The following CCDC28B variants were observed in gnomAD, a reference collection of about 807,000 sequenced individuals.
The protein encoded by CCDC28B is coiled-coil domain-containing protein 28B.
A neutral mutation model predicts 18.7 loss-of-function variants in CCDC28B; 17 were observed. That is an observed-to-expected ratio of 0.91 (90% CI 0.62 to 1.36). CCDC28B has a LOEUF of 1.36. Among genes scored for constraint, CCDC28B ranks in the 40% most tolerant of loss-of-function variants. CCDC28B has a pLI of 0.00. For missense variants in CCDC28B, 213 were observed against 251.7 expected, an observed-to-expected ratio of 0.85 and a Z score of 1.04; for synonymous variants, 116 against 105.1, an observed-to-expected ratio of 1.10 and a Z score of -0.64.
chr1:32,198,664 T>TA (rs1321502731), upstream of CCDC28B, among the ~76,000 whole-genome samples: 2 of 152,158 alleles, frequency 1.3e-5, no homozygotes, highest in African/African-American at 4.8e-5. Flanking sequence ...GAGGGGGTGA[T>TA]ACCTGGAATG....
chr1:32,199,740 G>T (rs1358207433), upstream of CCDC28B, among the ~76,000 whole-genome samples: 2 of 152,222 alleles, frequency 1.3e-5, no homozygotes, highest in Admixed American at 6.5e-5. Flanking sequence ...GGGAAGGTGG[G>T]CTGGGTGGCT....
rs979217136 is a variant in CCDC28B, at chr1:32,204,055, G to A, written c.331+10G>A. ...CGGCTGCAGGCCTTCGGTGAGTCCT[G>A]GGGGCTGGTTTCAGCGGGTGTGTGG... On this transcript the variant is annotated intron_variant, in intron 3 of 5. Transcript: ENST00000373602. The A allele has an allele frequency of 1.7e-5, 27 of 1,565,090 alleles. No homozygotes were observed. The highest frequency in any genetic ancestry group is 2.2e-5 in the Non-Finnish European group (25 of 1,154,630).
upstream of CCDC28B, among the ~76,000 whole-genome samples, chr1:32,198,524 C>T (rs1014449804): frequency 6.6e-6 from 1 of 152,094 alleles, no homozygotes; most frequent in African/African-American, 2.4e-5. Flanking sequence ...CAGAGAGGAT[C>T]ACACACACAC....
At chr1:32,201,827 C>A (rs1643152580) in intron 1 of CCDC28B, 86 bp from the exon 2 acceptor site, 5 of 1,135,804 alleles carry the variant, frequency 4.4e-6, no homozygotes, top group African/African-American at 3.1e-5. Flanking sequence ...GGTCCCAGGG[C>A]CCTTCCTTGG....
At chr1:32,198,768 T>C (rs185059696), upstream of CCDC28B, among the ~76,000 whole-genome samples, 4 of 150,734 alleles carry the variant, frequency 2.7e-5, no homozygotes, top group Admixed American at 2.6e-4. Flanking sequence ...GGAGAGGGGG[T>C]GAGGCTGGGC....
chr1:32,199,660 G>A (rs1016051973), upstream of CCDC28B, among the ~76,000 whole-genome samples: 4 of 152,162 alleles, frequency 2.6e-5, no homozygotes, highest in Non-Finnish European at 5.9e-5. Context: ...GTGCCCTCAG[G>A]AGCAGTGCCC....
chr1:32,204,976 G>A, intron 5 of CCDC28B: 1 of 1,260,410 alleles, frequency 7.9e-7, no homozygotes, highest in Non-Finnish European at 1.1e-6. Context: ...CAGCGCGAGT[G>A]CGCGCGCACA....
chr1:32,202,491 G>A, intron 2 of CCDC28B: 1 of 367,532 alleles, frequency 2.7e-6, no homozygotes, highest in Non-Finnish European at 5.3e-6. Flanking sequence ...ATACCTGGGG[G>A]CACAATTTGA....
rs202132074 is a variant in CCDC28B, at chr1:32,204,735, T to G, written c.548+115T>G. 1,884 of 1,613,838 alleles carry G rather than the reference T, an allele frequency of 1.2e-3. 2 individuals carry two copies. Among genetic ancestry groups the G allele is most frequent in the Non-Finnish European group, 1.4e-3 (1,624 of 1,179,874 alleles). ...CCAACTTCCCCACCTCTTGCAGTCC[T>G]GTCAGATTTAGCCACAGACTGCCCA... On this transcript the variant is annotated intron_variant, in intron 5 of 5. Transcript: ENST00000373602.
chr1:32,204,136 C>G (rs1177231105), intron 3 of CCDC28B, 50 bp from the exon 4 acceptor site: 5 of 1,609,338 alleles, frequency 3.1e-6, no homozygotes, highest in East Asian at 2.2e-5. Context: ...TTCCAGGGTT[C>G]CAGGGTTCCA....
chr1:32,196,771 C>G (rs1279175617), upstream of CCDC28B: 1 of 152,258 alleles, frequency 6.6e-6, no homozygotes, highest in African/African-American at 2.4e-5. Flanking sequence ...CCATACCTAG[C>G]CCACTCTTTT....
upstream of CCDC28B, chr1:32,197,922 CT>C (rs959694974): frequency 3.3e-5 from 5 of 152,272 alleles, no homozygotes. The surrounding 1 kb of genome is among the most constrained non-coding windows in gnomAD (Gnocchi z 4.6). Flanking sequence ...TTATTTAACC[CT>C]CCTCCACCCC....
upstream of CCDC28B, chr1:32,197,893 G>T (rs2124176697): frequency 6.6e-6 from 1 of 152,118 alleles, no homozygotes; most frequent in East Asian, 1.9e-4. The surrounding 1 kb of genome is among the most constrained non-coding windows in gnomAD (Gnocchi z 4.6). Context: ...GTAGGAGACT[G>T]TTATTTCTGT....
In CCDC28B at chr1:32,205,150, G is replaced by C; in HGVS notation, c.549-44G>C. ...TGTGCAAGATGGGAGACCGGGGTGG[G>C]AGGAAGGACTGGTCCAAAGCGCCAC... On this transcript the variant is annotated intron_variant, in intron 5 of 5. Transcript: ENST00000373602. The surrounding 1 kb of genome is among the most constrained non-coding windows in gnomAD (Gnocchi z 5.6). 1.9e-6 allele frequency: 3 copies of C among 1,609,488 alleles called. No homozygotes were observed. Among genetic ancestry groups the C allele is most frequent in the Non-Finnish European group, 1.7e-6 (2 of 1,177,108 alleles).
At chr1:32,200,346 ACTCTGTCT>A (rs1643122227), upstream of CCDC28B, 1 of 150,558 alleles carries the variant, frequency 6.6e-6, no homozygotes, top group African/African-American at 2.5e-5. Context: ...TCACTCACTC[ACTCTGTCT>A]CTCCTCTCCC....
At chr1:32,198,637 G>T (rs549534193), upstream of CCDC28B, among the ~76,000 whole-genome samples, 3 of 152,328 alleles carry the variant, frequency 2.0e-5, no homozygotes, top group African/African-American at 7.2e-5. Context: ...GGAGGCCCCT[G>T]CCCCCTTCAG....
chr1:32,204,797 A>G lies in CCDC28B; in HGVS notation c.548+177A>G, dbSNP rs1643266498. The G allele has an allele frequency of 3.1e-6, 5 of 1,597,144 alleles. No individual in the cohort carries two copies. In the South Asian group the frequency reaches 5.6e-5, roughly 18 times the overall value. Reference sequence around the variant, plus strand: ...AGGAATTTAGAATTTCCCCAAAATTAGAAGAAAAGTGGTTGTAGGGGATGT... The same window carrying G: ...AGGAATTTAGAATTTCCCCAAAATTGGAAGAAAAGTGGTTGTAGGGGATGT... On this transcript the variant is annotated intron_variant, in intron 5 of 5. Transcript: ENST00000373602.
chr1:32,205,046 G>A lies in CCDC28B; in HGVS notation c.549-148G>A, dbSNP rs1475425409. The A allele has an allele frequency of 9.3e-6, 11 of 1,178,472 alleles. No homozygotes were observed. The highest frequency in any genetic ancestry group is 1.3e-5 in the Non-Finnish European group (11 of 845,896). 73.0% of individuals were successfully genotyped at this position (1,178,472 alleles called of 1,614,324 possible). The stretch of plus-strand genomic sequence containing the variant: ...AAGAGAGAGGGGGTGAGAGAGGGCA[G>A]GCGGGGACTGCAACCTCAGTCCACA... On this transcript the variant is annotated intron_variant, in intron 5 of 5. Transcript: ENST00000373602. The surrounding 1 kb of genome is among the most constrained non-coding windows in gnomAD (Gnocchi z 5.6).
intron 5 of CCDC28B, chr1:32,204,832 G>A (rs750931313): frequency 3.2e-6 from 5 of 1,556,980 alleles, no homozygotes; most frequent in Non-Finnish European, 4.3e-6. Context: ...TTTTACTACT[G>A]ATCAAAATCT....
Sources: gnomAD v4.1 joint callset for allele counts (sites outside exome capture counted in the v4.1 genomes callset) on GRCh38, gnomAD v4.1.1 for gene constraint, Gnocchi (gnomAD v3.1) non-coding constraint, MANE v1.5 for transcripts, NCBI Gene and HGNC (gene_info 2026-07-23, HGNC 2026-07-21) for gene names.